LMNTD1: variants seen among roughly 807,000 people sequenced by gnomAD.
The protein encoded by LMNTD1 is lamin tail domain-containing protein 1.
LMNTD1 carries 35 observed loss-of-function variants against 50.9 expected under a neutral mutation model. The observed-to-expected ratio is 0.69, with a 90% CI of 0.53 to 0.91. The LOEUF is 0.91. Among genes scored for constraint, LMNTD1 ranks in the 40% least tolerant of loss-of-function variants. The pLI is 0.00. For missense variants in LMNTD1, 470 were observed against 475.5 expected, an observed-to-expected ratio of 0.99 and a Z score of 0.11; for synonymous variants, 153 against 161.9, an observed-to-expected ratio of 0.94 and a Z score of 0.42.
At chr12:25,511,183 G>A (rs1193953671) in intron 8 of LMNTD1, among the ~76,000 whole-genome samples, 2 of 152,184 alleles carry the variant, frequency 1.3e-5, no homozygotes, top group Non-Finnish European at 2.9e-5. Context: ...GAGAATGTGT[G>A]ATGAGATAGG....
intron 3 of LMNTD1, among the ~76,000 whole-genome samples, chr12:25,548,333 A>C (rs1045482302): frequency 6.6e-6 from 1 of 151,934 alleles, no homozygotes; most frequent in African/African-American, 2.4e-5. Context: ...AGAATGTTAG[A>C]GGATAATGGA....
chr12:25,538,558 G>C (rs954560048), intron 4 of LMNTD1, among the ~76,000 whole-genome samples: 32 of 139,564 alleles, frequency 2.3e-4, no homozygotes, highest in Non-Finnish European at 4.6e-4. Context: ...TGCCCTAAAA[G>C]AGCTCCTGAA....
intron 8 of LMNTD1, among the ~76,000 whole-genome samples, chr12:25,505,723 A>T (rs1353143183): frequency 6.6e-6 from 1 of 152,116 alleles, no homozygotes; most frequent in Admixed American, 6.5e-5. Flanking sequence ...ATTGTTTTCT[A>T]CTCAGTCTGA....
At chr12:25,610,218 T>C (rs753847262) in intron 1 of LMNTD1, among the ~76,000 whole-genome samples, 1 of 151,806 alleles carries the variant, frequency 6.6e-6, no homozygotes, top group Non-Finnish European at 1.5e-5. Flanking sequence ...GGTGGCAGAG[T>C]CCCAATTTTC....
chr12:25,496,088 C>G (rs1488257500), intron 9 of LMNTD1, among the ~76,000 whole-genome samples: 5 of 152,076 alleles, frequency 3.3e-5, no homozygotes, highest in Non-Finnish European at 7.4e-5. Flanking sequence ...TGTTTTGGAT[C>G]CAGGAAACCT....
intron 1 of LMNTD1, among the ~76,000 whole-genome samples, chr12:25,569,872 T>C (rs1944715572): frequency 6.6e-6 from 1 of 152,184 alleles, no homozygotes; most frequent in African/African-American, 2.4e-5. Flanking sequence ...TGCAAAACCG[T>C]GAACCAATTC....
intron 9 of LMNTD1, among the ~76,000 whole-genome samples, chr12:25,491,548 G>A (rs552580022): frequency 6.6e-6 from 1 of 152,340 alleles, no homozygotes; most frequent in African/African-American, 2.4e-5. Context: ...TCAGTTCTAA[G>A]TTATTTGCTG....
At chr12:25,495,936 T>C (rs1939048287) in intron 9 of LMNTD1, among the ~76,000 whole-genome samples, 1 of 152,230 alleles carries the variant, frequency 6.6e-6, no homozygotes, top group Non-Finnish European at 1.5e-5. Flanking sequence ...CATTTTTGGC[T>C]ACTCATGGAG....
chr12:25,618,854 G>C (rs1237393107), intron 1 of LMNTD1, among the ~76,000 whole-genome samples: 6 of 152,122 alleles, frequency 3.9e-5, no homozygotes, highest in Admixed American at 3.9e-4. Context: ...TGAGCTTCTT[G>C]CCTTATCCAT....
At chr12:25,558,532 AT>A (rs1301666680) in intron 1 of LMNTD1, among the ~76,000 whole-genome samples, 1 of 152,180 alleles carries the variant, frequency 6.6e-6, no homozygotes, top group Non-Finnish European at 1.5e-5. Flanking sequence ...CTCACTGGTC[AT>A]TTAGGAGCAT....
intron 4 of LMNTD1, among the ~76,000 whole-genome samples, chr12:25,531,855 T>G (rs570241922): frequency 6.6e-6 from 1 of 152,336 alleles, no homozygotes; most frequent in Non-Finnish European, 1.5e-5. Flanking sequence ...GATATTTACT[T>G]CTGAGAATAT....
intron 1 of LMNTD1, among the ~76,000 whole-genome samples, chr12:25,579,978 AC>A (rs1341130923): frequency 2.5e-4 from 38 of 152,250 alleles, no homozygotes; most frequent in African/African-American, 9.1e-4. Flanking sequence ...GAAAGTAAAA[AC>A]TTATTAGATT....
chr12:25,490,504 T>G (rs1938848878), intron 9 of LMNTD1, among the ~76,000 whole-genome samples: 1 of 152,212 alleles, frequency 6.6e-6, no homozygotes, highest in African/African-American at 2.4e-5. Flanking sequence ...AGCCCTTACA[T>G]TCTTACATTT....
At chr12:25,597,791 C>G (rs1267942153) in intron 1 of LMNTD1, among the ~76,000 whole-genome samples, 1 of 152,142 alleles carries the variant, frequency 6.6e-6, no homozygotes, top group East Asian at 1.9e-4. Flanking sequence ...GAAACAATGT[C>G]CAGCATCTTC....
At chr12:25,581,421 G>A (rs1157603688) in intron 1 of LMNTD1, among the ~76,000 whole-genome samples, 2 of 152,120 alleles carry the variant, frequency 1.3e-5, no homozygotes, top group East Asian at 3.9e-4. Flanking sequence ...TAGTTATGTT[G>A]TTTCTCTGAC....
intron 2 of LMNTD1, among the ~76,000 whole-genome samples, chr12:25,550,605 A>G (rs78086815): frequency 7.9e-5 from 12 of 152,164 alleles, no homozygotes; most frequent in African/African-American, 1.4e-4. Context: ...CAAAGCTCTT[A>G]TAAGATTATG....
intron 1 of LMNTD1, among the ~76,000 whole-genome samples, chr12:25,606,129 C>T (rs1946095295): frequency 6.6e-6 from 1 of 152,130 alleles, no homozygotes; most frequent in South Asian, 2.1e-4. Context: ...ATTTGGCTCT[C>T]TGTTTGTCTG....
chr12:25,553,514 A>T (rs1381127447), upstream of LMNTD1, among the ~76,000 whole-genome samples: 1 of 152,156 alleles, frequency 6.6e-6, no homozygotes, highest in African/African-American at 2.4e-5. Flanking sequence ...CAGTATGTAC[A>T]TACTGGGGAA....
chr12:25,519,586 T>TAAAAAAAAAAAAAAAAAAAAAAAAAAAAA (rs781742784), intron 7 of LMNTD1, among the ~76,000 whole-genome samples: 3 of 74,930 alleles, frequency 4.0e-5, no homozygotes, highest in South Asian at 5.4e-4. Flanking sequence ...AGACTCTGTC[T>TAAAAAAAAAAAAAAAAAAAAAAAAAAAAA]CAAAAAAAAA....
Sources: allele counts gnomAD v4.1 joint callset (sites outside exome capture counted in the v4.1 genomes callset), GRCh38; gene constraint gnomAD v4.1.1; transcripts MANE v1.5; gene names NCBI Gene and HGNC (gene_info 2026-07-23, HGNC 2026-07-21).